Variants in CLGN observed in about 807,000 individuals in gnomAD.
The protein encoded by CLGN is calmegin.
In CLGN, 62 loss-of-function variants were observed where a neutral mutation model predicts 79.1. That is an observed-to-expected ratio of 0.78 (90% CI 0.64 to 0.97). The LOEUF is 0.97. Among genes scored for constraint, CLGN ranks in the 50% least tolerant of loss-of-function variants. The pLI is 0.00. For missense variants in CLGN, 647 were observed against 715.5 expected (o/e 0.90, Z 1.09); for synonymous variants, 225 against 224.7 (o/e 1.00, Z -0.01).
chr4:140,411,702 C>T (rs771201787), intron 2 of CLGN, among the ~76,000 whole-genome samples: 8 of 152,174 alleles, frequency 5.3e-5, no homozygotes, highest in South Asian at 2.1e-4. Context: ...CAAAATTCCA[C>T]GTAATTACTG....
chr4:140,405,334 G>A (rs548644481), intron 5 of CLGN, among the ~76,000 whole-genome samples: 188 of 149,766 alleles, frequency 1.3e-3, no homozygotes, highest in Non-Finnish European at 2.0e-3. Context: ...ACAGGCGCCC[G>A]CCACTACGCC....
intron 1 of CLGN, among the ~76,000 whole-genome samples, chr4:140,417,021 C>A (rs1373298515): frequency 4.0e-5 from 6 of 151,772 alleles, no homozygotes. Context: ...TGGGCTTCAT[C>A]CCTGGGATGC....
intron 8 of CLGN, 141 bp from the exon 9 acceptor site, chr4:140,396,346 C>A (rs932894992): frequency 6.8e-6 from 5 of 735,166 alleles, no homozygotes; most frequent in Non-Finnish European, 6.7e-6. Context: ...CCACCTAAAT[C>A]TTTTGCTAAC....
chr4:140,407,328 C>T (rs139883047), intron 4 of CLGN, among the ~76,000 whole-genome samples: 3 of 151,900 alleles, frequency 2.0e-5, no homozygotes, highest in South Asian at 4.1e-4. Context: ...TCCTAGCCAG[C>T]GCAATCTGGC....
chr4:140,416,114 C>T (rs1194564457), intron 1 of CLGN, among the ~76,000 whole-genome samples: 4 of 54,726 alleles, frequency 7.3e-5, no homozygotes, highest in East Asian at 4.0e-4. Context: ...GGGTACATAA[C>T]GAAATGAAGG....
At chr4:140,412,614 G>C (rs1729234417) in intron 2 of CLGN, among the ~76,000 whole-genome samples, 1 of 151,892 alleles carries the variant, frequency 6.6e-6, no homozygotes, top group Non-Finnish European at 1.5e-5. Flanking sequence ...TATTTGAAAA[G>C]ATCTAGCAAT....
chr4:140,392,788 TTA>T, intron 11 of CLGN, 77 bp from the exon 12 acceptor site: 1 of 1,371,888 alleles, frequency 7.3e-7, no homozygotes, highest in Non-Finnish European at 9.7e-7. Flanking sequence ...ACAAAAAAAC[TTA>T]TTTACTCAGG....
At chr4:140,414,108 A>G (rs1729273831) in intron 1 of CLGN, among the ~76,000 whole-genome samples, 1 of 152,212 alleles carries the variant, frequency 6.6e-6, no homozygotes. Context: ...CTCACACGGC[A>G]GGGTATTCCA....
At chr4:140,425,707 C>A (rs189561363) in intron 1 of CLGN, among the ~76,000 whole-genome samples, 136 of 145,644 alleles carry the variant, frequency 9.3e-4, no homozygotes, top group Middle Eastern at 3.7e-3. Context: ...CGGCTCACTG[C>A]AACCTCTGCC....
At chr4:140,416,028 G>C (rs1729322240) in intron 1 of CLGN, among the ~76,000 whole-genome samples, 1 of 60,592 alleles carries the variant, frequency 1.7e-5, no homozygotes, top group Non-Finnish European at 3.0e-5. Context: ...AATCAAACTA[G>C]AACTCAGGAT....
intron 5 of CLGN, among the ~76,000 whole-genome samples, chr4:140,402,300 G>A (rs1729015035): frequency 6.6e-6 from 1 of 151,846 alleles, no homozygotes; most frequent in Non-Finnish European, 1.5e-5. Flanking sequence ...ATCAACTGCA[G>A]ACAAACCAAT....
At chr4:140,408,631 C>A in intron 4 of CLGN, among the ~76,000 whole-genome samples, 1 of 151,916 alleles carries the variant, frequency 6.6e-6, no homozygotes, top group East Asian at 1.9e-4. Context: ...TGAGATACTA[C>A]GTTACCCCTG....
At chr4:140,410,651 A>G in intron 2 of CLGN, 25 bp from the exon 3 acceptor site, 1 of 1,340,282 alleles carries the variant, frequency 7.5e-7, no homozygotes, top group Non-Finnish European at 1.1e-6. Context: ...TTCCAAGTCT[A>G]AAGTTATTCA....
chr4:140,402,376 A>G lies in CLGN; in HGVS notation c.420-310T>C, dbSNP rs112853666. ...AGCATAAGATACTGTAACTAAAACT[A>G]CAACAGGAAATTTCAAATTCTGATA... On this transcript the variant is annotated intron_variant, in intron 5 of 14. Transcript: ENST00000325617. Among the ~76,000 whole-genome samples the G allele has an allele frequency of 1.1e-4, 17 of 152,202 alleles. 1 individual carries two copies. The highest frequency in any genetic ancestry group is 3.4e-4 in the African/African-American group (14 of 41,568).
intron 1 of CLGN, among the ~76,000 whole-genome samples, chr4:140,427,028 C>T (rs887374709): frequency 6.6e-6 from 1 of 152,202 alleles, no homozygotes; most frequent in Non-Finnish European, 1.5e-5. Context: ...CTATTTTGAT[C>T]TCGTTTGGGT....
chr4:140,396,068 C>T (rs772299852), intron 9 of CLGN, 24 bp downstream of exon 9: 1 of 1,610,838 alleles, frequency 6.2e-7, no homozygotes, highest in Admixed American at 1.7e-5. Flanking sequence ...TTGAAATCGA[C>T]ATTTGAAGAT....
chr4:140,389,643 C>A (rs1389295531), intron 14 of CLGN, among the ~76,000 whole-genome samples: 6 of 151,696 alleles, frequency 4.0e-5, no homozygotes, highest in Non-Finnish European at 8.9e-5. Flanking sequence ...ACAGCAGAAA[C>A]AATGATTATT....
At chr4:140,395,638 C>T (rs539407509) in intron 10 of CLGN, among the ~76,000 whole-genome samples, 181 bp downstream of exon 10, 1 of 151,950 alleles carries the variant, frequency 6.6e-6, no homozygotes, top group East Asian at 1.9e-4. Flanking sequence ...ATTTATTTCC[C>T]CAGAAAATTA....
rs1279414927 is a variant in CLGN, at chr4:140,405,913, A to T, written c.419+29T>A. 4 of 1,577,364 alleles carry T rather than the reference A, an allele frequency of 2.5e-6. No homozygotes were observed. The African/African-American group carries it at 5.5e-5, about 22-fold the overall frequency. On this transcript the variant is annotated intron_variant, in intron 5 of 14. Coordinates refer to ENST00000325617, the MANE Select transcript of CLGN (RefSeq NM_004362.3). ...GCCAAAGCTAATACAAAATTCAGAA[A>T]AAGTATTCAAAAACATAGCAACACT...
Sources: gnomAD v4.1 joint callset for allele counts (sites outside exome capture counted in the v4.1 genomes callset) on GRCh38, gnomAD v4.1.1 for gene constraint, MANE v1.5 for transcripts, NCBI Gene and HGNC (gene_info 2026-07-23, HGNC 2026-07-21) for gene names.